Variants in GAREM2 observed in about 807,000 individuals in gnomAD.
GAREM2 encodes GRB2-associated and regulator of MAPK protein 2.
In GAREM2, 30 loss-of-function variants were observed where a neutral mutation model predicts 55.6. The ratio of observed to expected loss-of-function variants is 0.54; its 90% CI spans 0.40 to 0.73. GAREM2 has a LOEUF of 0.73. Ranked by LOEUF, GAREM2 falls within the 30% of genes least tolerant of loss-of-function variation. The pLI, the probability that GAREM2 is intolerant of heterozygous loss-of-function variation, is 0.00. For synonymous variants in GAREM2, 550 were observed against 569.1 expected (o/e 0.97, Z 0.48); for missense variants, 1,075 against 1,257.7 (o/e 0.85, Z 2.20).
At position 26,185,003 on chromosome 2, in the gene GAREM2, G is replaced by GCGCGCCCCCGGGCTCGCC. The variant is rs1170841343; in HGVS notation, c.1167_1184dup (p.Leu390_Gly395dup). 201 of 1,106,796 alleles carry GCGCGCCCCCGGGCTCGCC rather than the reference G, an allele frequency of 1.8e-4. 2 individuals carry two copies. In the South Asian group the frequency reaches 2.1e-3, roughly 12 times the overall value. 68.6% of individuals were successfully genotyped at this position (1,106,796 alleles called of 1,614,324 possible). A position where few individuals can be genotyped will look rare whatever the true frequency, so the allele number is the denominator to read the frequency against. ...GCGCGCGCCTCTGCCTGCCCGCGCC[G>GCGCGCCCCCGGGCTCGCC]CGCGCCCCCGGGCTCGCCCGCGCCC... On this transcript the variant is annotated inframe_insertion, in exon 4 of 6. Transcript: ENST00000401533.
chr2:26,193,387 C>G (rs1336369558), downstream of GAREM2, among the ~76,000 whole-genome samples: 1 of 150,966 alleles, frequency 6.6e-6, no homozygotes, highest in African/African-American at 2.4e-5. Context: ...CCTCAGCCTC[C>G]TAAGCAGCTA....
At chr2:26,182,624 A>C in intron 2 of GAREM2, 1 of 900,456 alleles carries the variant, frequency 1.1e-6, no homozygotes, top group Non-Finnish European at 1.7e-6. Flanking sequence ...CCGGTACCAC[A>C]CTGATAGTTG....
downstream of GAREM2, chr2:26,192,566 A>G (rs1048886872): frequency 5.9e-6 from 4 of 677,848 alleles, no homozygotes; most frequent in African/African-American, 3.6e-5. Flanking sequence ...GCGGAGGATC[A>G]TTTGAGGTCA....
Position 26,184,679 on chromosome 2 carries a change from C to T in GAREM2, c.831C>T (p.Pro277=). Residue 277 remains proline (P), a synonymous_variant, in exon 4 of 6, where the codon CCC becomes CCT. Transcript: ENST00000401533. Reference sequence around the variant, plus strand: ...TGCCCAGCCGGCCGCCGCGCAACCCCTACGACCTGCACCCGGTGCGGGAGG... The same window carrying T: ...TGCCCAGCCGGCCGCCGCGCAACCCTTACGACCTGCACCCGGTGCGGGAGG... ...VLVPSRPPRN[P]YDLHPVREGH... is the part of the protein sequence containing the mutation. The T allele has an allele frequency of 6.5e-7, 1 of 1,542,918 alleles. No homozygotes were observed. The highest frequency in any genetic ancestry group is 1.2e-5 in the South Asian group (1 of 83,476).
chr2:26,182,475 C>A (rs1015290097), intron 2 of GAREM2: 2 of 1,550,426 alleles, frequency 1.3e-6, no homozygotes, highest in African/African-American at 2.7e-5. Context: ...CAGGGCGATG[C>A]ACAGGATGCC....
At chr2:26,189,766 G>GT (rs1481683904), downstream of GAREM2, 1 of 152,254 alleles carries the variant, frequency 6.6e-6, no homozygotes, top group Non-Finnish European at 1.5e-5. Flanking sequence ...GAGGAATGAT[G>GT]TGGGTGTGTG....
At chr2:26,193,701 C>T (rs1669578703), downstream of GAREM2, 2 of 1,613,836 alleles carry the variant, frequency 1.2e-6, no homozygotes, top group Non-Finnish European at 1.7e-6. Context: ...CTTCATCCAC[C>T]AGTGTGGCGG....
At chr2:26,183,776 A>G (rs1034855269) in intron 3 of GAREM2, among the ~76,000 whole-genome samples, 2 of 152,186 alleles carry the variant, frequency 1.3e-5, no homozygotes, top group Non-Finnish European at 2.9e-5. Flanking sequence ...CTATGTACAG[A>G]TAGTGCTGTT....
At position 26,173,318 on chromosome 2, in the gene GAREM2, C is replaced by A; in HGVS notation, c.98C>A (p.Ala33Asp). 7.1e-7 allele frequency: 1 copy of A among 1,412,628 alleles called. No individual in the cohort carries two copies. Among genetic ancestry groups the A allele is most frequent in the South Asian group, 1.4e-5 (1 of 69,882 alleles). The allele number at this position is 1,412,628 out of a possible 1,614,324, so 87.5% of individuals were successfully genotyped here. The change falls in exon 1 of 6, where the codon GCC (alanine) becomes GAC (aspartate). Residue 33 changes from alanine (A) to aspartate (D), a missense_variant. Ala to Asp is a moderately radical substitution (Grantham distance 126). Transcript: ENST00000401533. ...IVSRCRLPTL[A>D]CLGPGEYAEG... Reference sequence around the variant, plus strand: ...AGCCGCTGCCGCCTGCCCACGCTCGCCTGCCTTGGGCCAGGTACCGGGGTC... The same window carrying A: ...AGCCGCTGCCGCCTGCCCACGCTCGACTGCCTTGGGCCAGGTACCGGGGTC...
chr2:26,190,285 GCACA>G (rs1335378517), downstream of GAREM2, among the ~76,000 whole-genome samples: 1 of 152,166 alleles, frequency 6.6e-6, no homozygotes, highest in Non-Finnish European at 1.5e-5. Context: ...TTACGATTCC[GCACA>G]CACTCAGCGT....
chr2:26,201,139 C>T, the GAREM2 span: 6,565 of 1,603,088 alleles, frequency 4.1e-3, 220 homozygotes, highest in African/African-American at 0.075. Flanking sequence ...TACAACAGCC[C>T]CTTGCTTACC....
At chr2:26,185,415 GGCAT>G in intron 4 of GAREM2, 139 bp downstream of exon 4, 1 of 1,310,666 alleles carries the variant, frequency 7.6e-7, no homozygotes, top group Non-Finnish European at 9.9e-7. Flanking sequence ...AAAGGGCAGA[GGCAT>G]GCCAGGCAAA....
rs760434286 is a variant in GAREM2 at position 26,183,029 on chromosome 2, G to A, written c.316G>A (p.Val106Met). 1.1e-5 allele frequency: 17 copies of A among 1,551,602 alleles called. No individual in the cohort carries two copies. The highest frequency in any genetic ancestry group is 9.5e-5 in the South Asian group (8 of 84,068). Residue 106 changes from valine to methionine, a missense_variant, in exon 3 of 6, where the codon GTG becomes ATG. Val to Met is a conservative substitution (Grantham distance 21, BLOSUM62 1). Around this residue, in one of 6 missense-constraint regions of GAREM2, gnomAD observed 230 missense variants for 310.6 expected, o/e 0.74. Coordinates refer to ENST00000401533, the MANE Select transcript of GAREM2 (RefSeq NM_001168241.2). ...GGAGCCAGTGAGGTACTTCAGCAGC[G>A]TGGAGGAGGTGGCCAGTGTCTTCCC... The part of the protein sequence containing the change: ...VREPVRYFSS[V>M]EEVASVFPDR...
chr2:26,197,799 C>A, the GAREM2 span: 1 of 1,198,358 alleles, frequency 8.3e-7, no homozygotes, highest in Admixed American at 1.7e-5. Flanking sequence ...AAGCATTTAA[C>A]AATGTGTCAG....
At position 26,176,237 on chromosome 2, in the gene GAREM2, T is replaced by A. The variant is rs180938523; in HGVS notation, c.113-107T>A. On this transcript the variant is annotated intron_variant, in intron 1 of 5. Transcript: ENST00000401533. ...CCTGGACAGGGATTGTGTGGAGCTG[T>A]CCCTCAGGGGGGCGGTCTTGGTGAG... is the stretch of plus-strand genomic sequence containing the variant. 5.5e-4 allele frequency: 603 copies of A among 1,101,306 alleles called. 1 individual carries two copies. In the African/African-American group the frequency reaches 9.1e-3, roughly 17 times the overall value. 68.2% of individuals were successfully genotyped at this position (1,101,306 alleles called of 1,614,324 possible). A position where few individuals can be genotyped will look rare whatever the true frequency, so the allele number is the denominator to read the frequency against.
intron 1 of GAREM2, among the ~76,000 whole-genome samples, chr2:26,174,222 T>C (rs1337153069): frequency 1.3e-5 from 2 of 152,108 alleles, no homozygotes; most frequent in African/African-American, 4.8e-5. Context: ...CCCTCCTCCG[T>C]GGCGGCCAGG....
chr2:26,186,420 G>T, intron 5 of GAREM2, 62 bp downstream of exon 5: 1 of 1,459,086 alleles, frequency 6.9e-7, no homozygotes. Flanking sequence ...GAAGGGTGAG[G>T]AGGGGGAACT....
intron 2 of GAREM2, among the ~76,000 whole-genome samples, chr2:26,180,392 C>A (rs779497096): frequency 6.6e-6 from 1 of 152,226 alleles, no homozygotes; most frequent in African/African-American, 2.4e-5. Context: ...AAGCCCCCTG[C>A]TCTTCCTCTT....
In GAREM2 at chr2:26,184,895, C is replaced by G; in HGVS notation, c.1047C>G (p.Arg349=). The G allele has an allele frequency of 1.4e-6, 2 of 1,455,626 alleles. No homozygotes were observed. The highest frequency in any genetic ancestry group is 1.8e-6 in the Non-Finnish European group (2 of 1,113,310). The allele number at this position is 1,455,626 out of a possible 1,614,324, so 90.2% of individuals were successfully genotyped here. Residue 349 remains arginine, a synonymous_variant, in exon 4 of 6, where the codon CGC becomes CGG. Transcript: ENST00000401533. Reference sequence around the variant, plus strand: ...TGCGCGACAGCGCCTCCTACTGCCGCGAGCGCTTCGACCCCGACGAGTACT... The same window carrying G: ...TGCGCGACAGCGCCTCCTACTGCCGGGAGCGCTTCGACCCCGACGAGTACT... ...RLVRDSASYC[R]ERFDPDEYST... is the part of the protein sequence containing the mutation.
Sources: allele counts gnomAD v4.1 joint callset (sites outside exome capture counted in the v4.1 genomes callset), GRCh38; gene constraint gnomAD v4.1.1; regional missense constraint gnomAD v4.1.1; transcripts MANE v1.5; gene names NCBI Gene and HGNC (gene_info 2026-07-23, HGNC 2026-07-21).